Variants in FBLN7 observed in about 807,000 individuals in gnomAD.
The protein encoded by FBLN7 is fibulin-7.
In FBLN7, 31 loss-of-function variants were observed where a neutral mutation model predicts 44.0. The observed-to-expected ratio is 0.70, with a 90% CI of 0.53 to 0.95. FBLN7 has a LOEUF of 0.95. Ranked by LOEUF, FBLN7 falls within the 40% of genes least tolerant of loss-of-function variation. The pLI, the probability that FBLN7 is intolerant of heterozygous loss-of-function variation, is 0.00. For synonymous variants in FBLN7, 262 were observed against 253.4 expected, an observed-to-expected ratio of 1.03 and a Z score of -0.32; for missense variants, 573 against 618.5, an observed-to-expected ratio of 0.93 and a Z score of 0.78.
At chr2:112,208,805 A>G in the FBLN7 span, among the ~76,000 whole-genome samples, 1 of 152,206 alleles carries the variant, frequency 6.6e-6, no homozygotes, top group African/African-American at 2.4e-5. Context: ...ATCATAACTT[A>G]AAAGTGACAA....
At chr2:112,233,090 T>C in the FBLN7 span, among the ~76,000 whole-genome samples, 3 of 152,192 alleles carry the variant, frequency 2.0e-5, no homozygotes, top group Non-Finnish European at 2.9e-5. Flanking sequence ...GAATCCCTCT[T>C]TTCTTGCTTA....
At chr2:112,219,172 A>G in the FBLN7 span, among the ~76,000 whole-genome samples, 1 of 152,230 alleles carries the variant, frequency 6.6e-6, no homozygotes, top group Admixed American at 6.5e-5. Flanking sequence ...TGGGAGACTC[A>G]CACTTCCTGA....
the FBLN7 span, among the ~76,000 whole-genome samples, chr2:112,197,274 C>CACACACACACACACAGAGAG: frequency 1.0e-5 from 1 of 98,596 alleles, no homozygotes; most frequent in Non-Finnish European, 2.2e-5. Flanking sequence ...CACACACACA[C>CACACACACACACACAGAGAG]AGAGAGAGAG....
chr2:112,170,251 CAA>C (rs1682387428), intron 3 of FBLN7, among the ~76,000 whole-genome samples: 1 of 142,848 alleles, frequency 7.0e-6, no homozygotes, highest in African/African-American at 2.6e-5. Flanking sequence ...TCAAACAAAA[CAA>C]AACAAAACAA....
intron 3 of FBLN7, among the ~76,000 whole-genome samples, chr2:112,175,466 C>A (rs1184561180): frequency 3.3e-5 from 5 of 152,176 alleles, no homozygotes; most frequent in Non-Finnish European, 7.3e-5. Flanking sequence ...CATGCAGAGC[C>A]CCAGGTGGGC....
intron 1 of FBLN7, among the ~76,000 whole-genome samples, chr2:112,148,405 TG>T (rs1274547188): frequency 1.3e-5 from 2 of 152,244 alleles, no homozygotes; most frequent in East Asian, 1.9e-4. Flanking sequence ...TCAGATCTAT[TG>T]ATCTGAGATA....
chr2:112,157,470 C>T (rs181329670), intron 1 of FBLN7, among the ~76,000 whole-genome samples: 1 of 152,284 alleles, frequency 6.6e-6, no homozygotes, highest in Admixed American at 6.5e-5. Flanking sequence ...GTGCAGGCAG[C>T]AGAGTCCAGG....
intron 3 of FBLN7, among the ~76,000 whole-genome samples, chr2:112,169,221 C>T (rs1682324899): frequency 1.3e-5 from 2 of 152,000 alleles, no homozygotes; most frequent in Admixed American, 6.5e-5. Context: ...TGCAGTGAGC[C>T]GAAATCACAC....
At chr2:112,159,992 TA>T (rs1461752219) in intron 2 of FBLN7, among the ~76,000 whole-genome samples, 157 bp downstream of exon 2, 1 of 150,718 alleles carries the variant, frequency 6.6e-6, no homozygotes, top group African/African-American at 2.4e-5. Context: ...ATTATTTATT[TA>T]TTTATTTATT....
the FBLN7 span, among the ~76,000 whole-genome samples, chr2:112,232,368 A>G: frequency 6.6e-6 from 1 of 151,378 alleles, no homozygotes; most frequent in African/African-American, 2.4e-5. Context: ...GGATTTCTCT[A>G]TTTAAAGTAT....
At chr2:112,209,908 G>A in the FBLN7 span, among the ~76,000 whole-genome samples, 1 of 152,014 alleles carries the variant, frequency 6.6e-6, no homozygotes, top group Non-Finnish European at 1.5e-5. Context: ...GAGGATGAGG[G>A]TGAAGTAGGA....
the FBLN7 span, among the ~76,000 whole-genome samples, chr2:112,227,657 ATAAAT>A: frequency 6.6e-6 from 1 of 152,252 alleles, no homozygotes; most frequent in Non-Finnish European, 1.5e-5. Context: ...AATAACAGAA[ATAAAT>A]TCTATTTCTA....
At chr2:112,210,309 T>TA in the FBLN7 span, among the ~76,000 whole-genome samples, 50 of 151,936 alleles carry the variant, frequency 3.3e-4, 1 homozygote, top group Non-Finnish European at 4.7e-4. Flanking sequence ...ATATGTATAT[T>TA]AAAGATATTG....
At chr2:112,216,479 A>G in the FBLN7 span, 2 of 152,298 alleles carry the variant, frequency 1.3e-5, no homozygotes, top group Non-Finnish European at 2.9e-5. Context: ...CTACAGAAGA[A>G]AACAGAGAAC....
chr2:112,207,644 G>T, the FBLN7 span, among the ~76,000 whole-genome samples: 1 of 152,086 alleles, frequency 6.6e-6, no homozygotes, highest in African/African-American at 2.4e-5. Context: ...TTGTAAATTT[G>T]TCTATTTCTT....
chr2:112,217,167 G>A, the FBLN7 span, among the ~76,000 whole-genome samples: 3 of 152,050 alleles, frequency 2.0e-5, no homozygotes, highest in African/African-American at 4.8e-5. Context: ...TCAGGAGTTC[G>A]AGACCAGCCT....
chr2:112,181,989 C>A, intron 5 of FBLN7, 113 bp downstream of exon 5: 2 of 1,324,098 alleles, frequency 1.5e-6, no homozygotes, highest in Non-Finnish European at 2.0e-6. Context: ...TGCGCGCGGT[C>A]TCAGAAGGCC....
intron 2 of FBLN7, among the ~76,000 whole-genome samples, 155 bp from the exon 3 acceptor site, chr2:112,164,843 TTGA>T (rs1682059709): frequency 6.6e-6 from 1 of 152,150 alleles, no homozygotes; most frequent in Non-Finnish European, 1.5e-5. Context: ...CTTTGAGGAC[TTGA>T]TGAGACGCAG....
At chr2:112,225,943 G>A in the FBLN7 span, among the ~76,000 whole-genome samples, 1 of 151,922 alleles carries the variant, frequency 6.6e-6, no homozygotes, top group African/African-American at 2.4e-5. Flanking sequence ...TTAGCCGGGT[G>A]TGGTGGCGCA....
Sources: gnomAD v4.1 joint callset for allele counts (sites outside exome capture counted in the v4.1 genomes callset) on GRCh38, gnomAD v4.1.1 for gene constraint, MANE v1.5 for transcripts, NCBI Gene and HGNC (gene_info 2026-07-23, HGNC 2026-07-21) for gene names.